The following SLC26A5 variants were observed in gnomAD, a reference collection of about 807,000 sequenced individuals.
SLC26A5 encodes prestin.
In SLC26A5, 51 loss-of-function variants were observed where a neutral mutation model predicts 81.0. The observed-to-expected ratio is 0.63, with a 90% confidence interval of 0.50 to 0.80. SLC26A5 has a LOEUF of 0.80. Ranked by LOEUF, SLC26A5 falls within the 30% of genes least tolerant of loss-of-function variation. The pLI is 0.00. For missense variants in SLC26A5, 771 were observed against 905.8 expected, an observed-to-expected ratio of 0.85 and a Z score of 1.91; for synonymous variants, 325 against 332.8, an observed-to-expected ratio of 0.98 and a Z score of 0.25.
chr7:103,396,573 C>A (rs1214627194), intron 9 of SLC26A5, among the ~76,000 whole-genome samples: 2 of 152,106 alleles, frequency 1.3e-5, no homozygotes, highest in Admixed American at 6.5e-5. Flanking sequence ...ATACGCCAGT[C>A]ACGAAAAGAC....
At position 103,413,013 on chromosome 7, in the gene SLC26A5, T is replaced by C. The variant is rs1341321988; in HGVS notation, c.392A>G (p.His131Arg). ...ATGTAAGCTTTTACCTATGGATATG[T>C]GTCTGGAGGTTCCAAGAAAACAATA... ...IMYCFLGTSR[H>R]ISIGPFAVIS... The change falls in exon 5 of 20, where the codon CAC becomes CGC. Residue 131 changes from histidine (H) to arginine (R), a missense_variant. Coordinates refer to ENST00000306312, the MANE Select transcript of SLC26A5 (RefSeq NM_198999.3). 1 of 1,603,516 alleles carries C rather than the reference T, an allele frequency of 6.2e-7. No individual in the cohort carries two copies. Among genetic ancestry groups the C allele is most frequent in the South Asian group, 1.1e-5 (1 of 90,870 alleles).
At position 103,437,298 on chromosome 7, in the gene SLC26A5, T is replaced by C. The variant is rs74847877; in HGVS notation, c.-54+5785A>G. ...GAATGATAACAAGTGTTGGTGAGCA[T>C]GCAGAGAAAACAGAACTCTTACACA... On this transcript the variant is annotated intron_variant, in intron 2 of 19. Coordinates refer to ENST00000306312, the MANE Select transcript of SLC26A5 (RefSeq NM_198999.3). 1.1e-3 allele frequency among the ~76,000 whole-genome samples: 165 copies of C among 152,314 alleles called. 1 individual carries two copies. The highest frequency in any genetic ancestry group is 3.4e-3 in the African/African-American group (143 of 41,558).
At chr7:103,400,050 T>C (rs1413420011) in intron 8 of SLC26A5, among the ~76,000 whole-genome samples, 1 of 151,834 alleles carries the variant, frequency 6.6e-6, no homozygotes, top group African/African-American at 2.4e-5. Flanking sequence ...TGTGTCTTTA[T>C]AGTGGCATGA....
rs761406791 is a variant in SLC26A5, at chr7:103,380,509, C to T, written c.1555G>A (p.Val519Met). The stretch of plus-strand genomic sequence containing the variant: ...TCATATGCGTCTATATCAATATACA[C>T]ATCAGTTTCAGGAAGCTTTCCAAGG... The part of the protein sequence containing the change: ...KVLGKLPETD[V>M]YIDIDAYEEV... The change falls in exon 15 of 20, where the codon GTG becomes ATG. Residue 519 changes from valine to methionine, a missense_variant. By Grantham distance (21) the Val-to-Met change is conservative (BLOSUM62 1). Coordinates refer to ENST00000306312, the MANE Select transcript of SLC26A5 (RefSeq NM_198999.3). The T allele has an allele frequency of 2.5e-6, 4 of 1,613,798 alleles. No homozygotes were observed. The Admixed American group carries it at 6.7e-5, about 27-fold the overall frequency.
chr7:103,380,496 A>C lies in SLC26A5; in HGVS notation c.1568T>G (p.Ile523Arg). 6.2e-7 allele frequency: 1 copy of C among 1,613,736 alleles called. No individual in the cohort carries two copies. Among genetic ancestry groups the C allele is most frequent in the Non-Finnish European group, 8.5e-7 (1 of 1,179,712 alleles). Residue 523 changes from isoleucine (I) to arginine (R), a missense_variant, in exon 15 of 20, where the codon ATA becomes AGA. Physicochemically the swap from Ile to Arg is moderately conservative, Grantham distance 97. Coordinates refer to ENST00000306312, the MANE Select transcript of SLC26A5 (RefSeq NM_198999.3). ...KLPETDVYID[I>R]DAYEEVKEIP... is the part of the protein sequence containing the mutation. ...AGGTCCTACCTCCTCATATGCGTCTATATCAATATACACATCAGTTTCAGG... is the reference window on the plus strand; with the variant it reads ...AGGTCCTACCTCCTCATATGCGTCTCTATCAATATACACATCAGTTTCAGG...
At chr7:103,362,534 A>G in intron 19 of SLC26A5, 14 of 1,404,450 alleles carry the variant, frequency 1.0e-5, no homozygotes, top group Non-Finnish European at 1.3e-5. Context: ...GTATCCTCAG[A>G]TTTCATGCTC....
At chr7:103,425,631 T>A (rs2116757822) in intron 2 of SLC26A5, among the ~76,000 whole-genome samples, 1 of 152,288 alleles carries the variant, frequency 6.6e-6, no homozygotes, top group South Asian at 2.1e-4. Flanking sequence ...ATACATCATA[T>A]ATAGAATATA....
At chr7:103,421,700 G>C (rs1445669844) in intron 2 of SLC26A5, 133 bp from the exon 3 acceptor site, 1 of 641,290 alleles carries the variant, frequency 1.6e-6, no homozygotes, top group Admixed American at 2.6e-5. Context: ...CTAATGTATT[G>C]ATCTGTATAT....
intron 8 of SLC26A5, among the ~76,000 whole-genome samples, chr7:103,403,083 C>T (rs1823739316): frequency 6.6e-6 from 1 of 152,180 alleles, no homozygotes; most frequent in African/African-American, 2.4e-5. Flanking sequence ...TCTTTGTTCT[C>T]ATTGGTTTCA....
intron 4 of SLC26A5, among the ~76,000 whole-genome samples, chr7:103,417,242 C>T (rs1332316642): frequency 3.3e-5 from 5 of 151,740 alleles, no homozygotes; most frequent in Non-Finnish European, 7.4e-5. Context: ...TGGTGGCACG[C>T]ACCTGTAGTC....
intron 9 of SLC26A5, among the ~76,000 whole-genome samples, chr7:103,394,148 C>T (rs1460261736): frequency 1.3e-5 from 2 of 152,070 alleles, no homozygotes; most frequent in Non-Finnish European, 2.9e-5. Context: ...AGCACAGTGA[C>T]GGAAGGGATG....
In SLC26A5 at chr7:103,409,247, C is replaced by T. The variant is rs1792212513; in HGVS notation, c.735+1138G>A. 2.6e-5 allele frequency among the ~76,000 whole-genome samples: 4 copies of T among 152,362 alleles called. No individual in the cohort carries two copies. The South Asian group carries it at 6.2e-4, about 24-fold the overall frequency. The stretch of plus-strand genomic sequence containing the variant: ...CTCCAGAGGGCAAGGCCTGTATCTT[C>T]TTAGCTCACAGCTGCATCTTGGCAC... On this transcript the variant is annotated intron_variant, in intron 7 of 19. Coordinates refer to ENST00000306312, the MANE Select transcript of SLC26A5 (RefSeq NM_198999.3).
chr7:103,439,082 G>A (rs1562814726), intron 2 of SLC26A5, among the ~76,000 whole-genome samples: 1 of 152,130 alleles, frequency 6.6e-6, no homozygotes, highest in Non-Finnish European at 1.5e-5. Context: ...TTTATTTCAT[G>A]ACTATTGGTT....
At chr7:103,416,315 A>C (rs1467246035) in intron 4 of SLC26A5, among the ~76,000 whole-genome samples, 1 of 152,166 alleles carries the variant, frequency 6.6e-6, no homozygotes, top group Admixed American at 6.5e-5. Context: ...CAGCATCTTC[A>C]CTGGGGGACC....
chr7:103,399,978 C>T (rs1218457843), intron 8 of SLC26A5, among the ~76,000 whole-genome samples: 2 of 152,020 alleles, frequency 1.3e-5, no homozygotes. Context: ...CATTGATGGG[C>T]ATTTGGGTTG....
At chr7:103,364,592 TAG>T (rs1273281489) in intron 19 of SLC26A5, among the ~76,000 whole-genome samples, 1 of 152,068 alleles carries the variant, frequency 6.6e-6, no homozygotes, top group Non-Finnish European at 1.5e-5. Context: ...CTATTTTTTG[TAG>T]AGAGGGGTTT....
chr7:103,424,465 A>T (rs1180300808), intron 2 of SLC26A5, among the ~76,000 whole-genome samples: 1 of 152,194 alleles, frequency 6.6e-6, no homozygotes, highest in Non-Finnish European at 1.5e-5. Context: ...TGGGTATGTT[A>T]TGATTATTGA....
intron 9 of SLC26A5, among the ~76,000 whole-genome samples, chr7:103,395,867 G>A (rs1351547951): frequency 6.6e-6 from 1 of 152,064 alleles, no homozygotes; most frequent in African/African-American, 2.4e-5. Flanking sequence ...ATGAAGCAAA[G>A]AAGTAACATG....
intron 8 of SLC26A5, among the ~76,000 whole-genome samples, chr7:103,398,795 T>C (rs1186987077): frequency 6.6e-6 from 1 of 152,146 alleles, no homozygotes; most frequent in Non-Finnish European, 1.5e-5. Context: ...GGAGGGCCAC[T>C]GCAGGAAACA....
Sources: gnomAD v4.1 joint callset for allele counts (sites outside exome capture counted in the v4.1 genomes callset) on GRCh38, gnomAD v4.1.1 for gene constraint, MANE v1.5 for transcripts, NCBI Gene and HGNC (gene_info 2026-07-23, HGNC 2026-07-21) for gene names.